TBXAS1: variants seen among roughly 807,000 people sequenced by gnomAD.
TBXAS1 encodes thromboxane-A synthase.
A neutral mutation model predicts 60.7 loss-of-function variants in TBXAS1; 48 were observed. That is an observed-to-expected ratio of 0.79 (90% confidence interval 0.63 to 1.01). The LOEUF is 1.01. TBXAS1 is among the 50% of genes least tolerant of loss of function. The pLI, the probability that TBXAS1 is intolerant of heterozygous loss-of-function variation, is 0.00. For synonymous variants in TBXAS1, 287 were observed against 269.7 expected, an observed-to-expected ratio of 1.06 and a Z score of -0.63; for missense variants, 685 against 686.3, an observed-to-expected ratio of 1.00 and a Z score of 0.02.
chr7:139,813,486 G>A (rs975425090), intron 4 of TBXAS1, among the ~76,000 whole-genome samples: 3 of 152,222 alleles, frequency 2.0e-5, no homozygotes, highest in African/African-American at 7.2e-5. Flanking sequence ...TCACATGGAA[G>A]AATAGGTCCA....
At chr7:139,866,855 A>G (rs1801455230) in intron 1 of TBXAS1, among the ~76,000 whole-genome samples, 1 of 152,212 alleles carries the variant, frequency 6.6e-6, no homozygotes, top group African/African-American at 2.4e-5. Flanking sequence ...AACCAAGAGA[A>G]TGACAATATA....
intron 9 of TBXAS1, among the ~76,000 whole-genome samples, chr7:139,989,092 C>T (rs1012036917): frequency 8.5e-5 from 13 of 152,300 alleles, no homozygotes; most frequent in Non-Finnish European, 1.9e-4. Context: ...TTCTTCCTCC[C>T]GCTCCTGCCC....
chr7:139,986,124 A>C (rs1024171915), intron 9 of TBXAS1, among the ~76,000 whole-genome samples: 24 of 152,222 alleles, frequency 1.6e-4, no homozygotes, highest in Admixed American at 1.3e-4. Flanking sequence ...AGGCCTTACA[A>C]GGTCTGTAGT....
At chr7:139,806,450 A>G (rs1035341861) in intron 4 of TBXAS1, among the ~76,000 whole-genome samples, 6 of 150,676 alleles carry the variant, frequency 4.0e-5, no homozygotes, top group African/African-American at 1.2e-4. Context: ...TTTAGTAGAG[A>G]CAGGGTTTTG....
intron 1 of TBXAS1, among the ~76,000 whole-genome samples, chr7:139,779,813 A>G (rs997551803): frequency 6.6e-6 from 1 of 152,240 alleles, no homozygotes; most frequent in Non-Finnish European, 1.5e-5. Context: ...TTCTAAGGAC[A>G]TGAGTTCAGC....
At chr7:140,019,399 G>A (rs1208663995) in intron 12 of TBXAS1, among the ~76,000 whole-genome samples, 5 of 152,156 alleles carry the variant, frequency 3.3e-5, no homozygotes, top group Non-Finnish European at 4.4e-5. Flanking sequence ...AGCCAGACCA[G>A]TCTCCCAAAA....
In TBXAS1 at chr7:139,994,727, A is replaced by G. The variant is rs150170305; in HGVS notation, c.1135-12364A>G. On this transcript the variant is annotated intron_variant, in intron 9 of 12. Transcript: ENST00000448866. ...ATTTATTTCAGACAATATTCAATAC[A>G]ACAGAATTCCAGGTCAATAGAAGGA... 5.7e-3 allele frequency among the ~76,000 whole-genome samples: 861 copies of G among 152,336 alleles called. 7 individuals carry two copies. Among genetic ancestry groups the G allele is most frequent in the African/African-American group, 0.02 (833 of 41,578 alleles).
chr7:139,909,746 AGT>A (rs1805373474), intron 3 of TBXAS1, among the ~76,000 whole-genome samples: 1 of 152,230 alleles, frequency 6.6e-6, no homozygotes, highest in Non-Finnish European at 1.5e-5. Context: ...GCTGCTTTTC[AGT>A]GTGACTTTCC....
rs1415543982 is a variant in TBXAS1 at position 139,962,185 on chromosome 7, C to T, written c.1086C>T (p.Asp362=). The part of the protein sequence containing the change: ...FATYLLATNP[D]CQEKLLREVD... ...CCTACCTACTGGCCACCAACCCTGA[C>T]TGCCAAGAGAAGCTTCTGAGAGAGG... Residue 362 remains aspartate (D), a synonymous_variant, in exon 9 of 13, where the codon GAC becomes GAT. Coordinates refer to ENST00000448866, the MANE Select transcript of TBXAS1 (RefSeq NM_001061.7). The T allele has an allele frequency of 1.9e-6, 3 of 1,614,206 alleles. No individual in the cohort carries two copies. Among genetic ancestry groups the T allele is most frequent in the Non-Finnish European group, 1.7e-6 (2 of 1,180,038 alleles).
At chr7:139,857,954 G>A (rs912472843) in intron 1 of TBXAS1, among the ~76,000 whole-genome samples, 14 of 151,776 alleles carry the variant, frequency 9.2e-5, no homozygotes, top group South Asian at 2.1e-4. Flanking sequence ...GGCTGGTCTC[G>A]AACTCTTGGC....
chr7:139,947,150 C>T (rs1332671762), intron 5 of TBXAS1, among the ~76,000 whole-genome samples: 3 of 151,482 alleles, frequency 2.0e-5, no homozygotes, highest in Non-Finnish European at 4.4e-5. Context: ...GTAGAAAATC[C>T]ATTAAAAAAA....
intron 4 of TBXAS1, among the ~76,000 whole-genome samples, chr7:139,930,963 G>C (rs1807277974): frequency 6.6e-6 from 1 of 152,006 alleles, no homozygotes; most frequent in Admixed American, 6.6e-5. Context: ...CTAGGTTTGG[G>C]GTTTGGGTTA....
intron 1 of TBXAS1, among the ~76,000 whole-genome samples, chr7:139,844,992 G>A (rs1799705515): frequency 6.6e-6 from 1 of 152,128 alleles, no homozygotes; most frequent in South Asian, 2.1e-4. Flanking sequence ...AGCCCCCCAG[G>A]CTATGCTGGG....
At chr7:139,901,097 C>T (rs893216158) in intron 3 of TBXAS1, among the ~76,000 whole-genome samples, 11 of 152,204 alleles carry the variant, frequency 7.2e-5, no homozygotes, top group East Asian at 3.9e-4. Context: ...ACACCCAAAA[C>T]GAAAGCTATG....
At chr7:139,811,754 A>T (rs1382731458) in intron 4 of TBXAS1, among the ~76,000 whole-genome samples, 2 of 152,200 alleles carry the variant, frequency 1.3e-5, no homozygotes, top group Non-Finnish European at 2.9e-5. Flanking sequence ...GCTGGATTTG[A>T]CTGCTTTATA....
intron 1 of TBXAS1, among the ~76,000 whole-genome samples, chr7:139,869,201 G>T (rs1801646795): frequency 6.6e-6 from 1 of 152,116 alleles, no homozygotes. Context: ...ATCCTTCCTT[G>T]CCTCTTCCTA....
chr7:140,009,535 C>A (rs1814365187), intron 10 of TBXAS1, among the ~76,000 whole-genome samples: 1 of 151,790 alleles, frequency 6.6e-6, no homozygotes, highest in Non-Finnish European at 1.5e-5. Context: ...TCCAGCCTCG[C>A]TCTCCTGAGC....
At chr7:139,834,106 G>C (rs944035130) in intron 1 of TBXAS1, among the ~76,000 whole-genome samples, 1 of 152,142 alleles carries the variant, frequency 6.6e-6, no homozygotes, top group African/African-American at 2.4e-5. Context: ...ATTGTATCAA[G>C]CACTCTCTCA....
chr7:139,808,641 C>T (rs1797938437), intron 4 of TBXAS1, among the ~76,000 whole-genome samples: 1 of 152,188 alleles, frequency 6.6e-6, no homozygotes. Context: ...TCTCCACCGA[C>T]ATCTGGTCAA....
Sources: gnomAD v4.1 joint callset for allele counts (sites outside exome capture counted in the v4.1 genomes callset) on GRCh38, gnomAD v4.1.1 for gene constraint, MANE v1.5 for transcripts, NCBI Gene and HGNC (gene_info 2026-07-23, HGNC 2026-07-21) for gene names.